The following CYLD variants were observed in gnomAD, a reference collection of about 807,000 sequenced individuals.
CYLD encodes CYLD lysine 63 deubiquitinase, also known as ubiquitin carboxyl-terminal hydrolase CYLD.
In CYLD, 26 loss-of-function variants were observed where a neutral mutation model predicts 104.5. The observed-to-expected ratio is 0.25, with a 90% CI of 0.18 to 0.35. CYLD has a LOEUF of 0.35. CYLD is among the 10% of genes least tolerant of loss of function. The pLI, the probability that CYLD is intolerant of heterozygous loss-of-function variation, is 1.00. For missense variants in CYLD, 703 were observed against 1,136.1 expected, an observed-to-expected ratio of 0.62 and a Z score of 5.48; for synonymous variants, 385 against 399.9, an observed-to-expected ratio of 0.96 and a Z score of 0.45.
chr16:50,744,336 G>T (rs1047228256), intron 2 of CYLD, among the ~76,000 whole-genome samples: 9 of 152,052 alleles, frequency 5.9e-5, no homozygotes, highest in Non-Finnish European at 1.2e-4. Context: ...TAGCTGTTTA[G>T]AAATATAACA....
intron 5 of CYLD, among the ~76,000 whole-genome samples, chr16:50,760,823 G>A (rs1474591877): frequency 6.6e-6 from 1 of 152,126 alleles, no homozygotes; most frequent in Non-Finnish European, 1.5e-5. Context: ...AAGTGGAGTT[G>A]CTTGATGAAA....
rs554549525 is a variant in CYLD at position 50,770,705 on chromosome 16, C to T, written c.914-4461C>T. ...ACCTCAAGTGATCCACCTGCCTCGG[C>T]TTCCCAAAGTGCTGGGATTACAGGC... On this transcript the variant is annotated intron_variant, in intron 5 of 18. Coordinates refer to ENST00000427738, the MANE Select transcript of CYLD (RefSeq NM_001378743.1). Among the ~76,000 whole-genome samples, 57 of 152,240 alleles carry T rather than the reference C, an allele frequency of 3.7e-4. 1 individual carries two copies. The highest frequency in any genetic ancestry group is 1.4e-3 in the African/African-American group (57 of 41,564).
Position 50,754,750 on chromosome 16 carries a change from A to G in CYLD, c.913+326A>G, listed in dbSNP as rs541806112. ...GTGTTTGGCTTTCCATTCCTGAGTT[A>G]TTATACTTCTCTTAGAATAATAGCC... is the stretch of plus-strand genomic sequence containing the variant. On this transcript the variant is annotated intron_variant, in intron 5 of 18. Coordinates refer to ENST00000427738, the MANE Select transcript of CYLD (RefSeq NM_001378743.1). 1.6e-4 allele frequency among the ~76,000 whole-genome samples: 25 copies of G among 151,544 alleles called. No individual in the cohort carries two copies. In the South Asian group the frequency reaches 4.6e-3, roughly 28 times the overall value.
At chr16:50,751,488 A>G (rs1053844205) in intron 3 of CYLD, 116 bp from the exon 4 acceptor site, 3 of 770,770 alleles carry the variant, frequency 3.9e-6, no homozygotes, top group Admixed American at 2.4e-5. Flanking sequence ...ATTTCTTATT[A>G]TATGTATCAT....
intron 1 of CYLD, chr16:50,742,420 T>G: frequency 5.4e-6 from 1 of 184,490 alleles, no homozygotes. Flanking sequence ...CCACCGGGGC[T>G]TCCCCATCCC....
At chr16:50,756,507 C>T (rs779071506) in intron 5 of CYLD, among the ~76,000 whole-genome samples, 6 of 152,142 alleles carry the variant, frequency 3.9e-5, no homozygotes, top group Admixed American at 2.6e-4. Context: ...TTTATTTTGC[C>T]TCTAACAAGT....
intron 5 of CYLD, among the ~76,000 whole-genome samples, chr16:50,774,044 C>T (rs1567441760): frequency 6.6e-6 from 1 of 152,200 alleles, no homozygotes; most frequent in Non-Finnish European, 1.5e-5. Flanking sequence ...TGCCAGGCTA[C>T]CTTCAAAGCC....
intron 7 of CYLD, 100 bp from the exon 8 acceptor site, chr16:50,777,725 C>T (rs1969828568): frequency 2.8e-6 from 2 of 719,894 alleles, no homozygotes; most frequent in Non-Finnish European, 5.1e-6. Context: ...GTTATGTAAA[C>T]AGTTATTAAC....
chr16:50,758,698 C>G (rs1280242697), intron 5 of CYLD, among the ~76,000 whole-genome samples: 3 of 152,002 alleles, frequency 2.0e-5, no homozygotes, highest in African/African-American at 7.3e-5. Context: ...AGAGAGAGAA[C>G]AGAATCAAGG....
intron 5 of CYLD, among the ~76,000 whole-genome samples, chr16:50,757,715 T>G (rs917221910): frequency 2.6e-5 from 4 of 152,178 alleles, no homozygotes; most frequent in Admixed American, 6.5e-5. Context: ...GTTTTGTATC[T>G]TTAGTAGAGA....
Position 50,750,177 on chromosome 16 carries a change from G to A in CYLD, c.479G>A (p.Gly160Glu). 1 of 1,613,898 alleles carries A rather than the reference G, an allele frequency of 6.2e-7. No individual in the cohort carries two copies. The highest frequency in any genetic ancestry group is 8.5e-7 in the Non-Finnish European group (1 of 1,179,958). ...GPLLAERTVS[G>E]IFFGVELLEE... ...CTGTTAGCAGAGAGGACAGTCTCCG[G>A]AATATTCTTTGGAGTTGAATTGCTG... The change falls in exon 3 of 19, where the codon GGA (glycine) becomes GAA (glutamate). Residue 160 changes from glycine to glutamate, a missense_variant. By Grantham distance (98) the Gly-to-Glu change is moderately conservative. Transcript: ENST00000427738.
At chr16:50,747,388 C>T (rs527316815) in intron 2 of CYLD, among the ~76,000 whole-genome samples, 12 of 152,310 alleles carry the variant, frequency 7.9e-5, no homozygotes, top group African/African-American at 2.6e-4. Flanking sequence ...AAACTCTAGA[C>T]AGTAGATCTG....
intron 5 of CYLD, among the ~76,000 whole-genome samples, chr16:50,755,156 TAC>T (rs1323906772): frequency 1.5e-5 from 2 of 136,908 alleles, no homozygotes; most frequent in Non-Finnish European, 3.1e-5. Context: ...TGTGTGTATA[TAC>T]ACACGTGTAC....
chr16:50,794,500 C>A lies in CYLD; in HGVS notation c.2686+72C>A. ...GTAGTGGGACAGTTTGTAGTGGGAT[C>A]GCCTGTTCTGAGTGATATTTTCTGA... is the stretch of plus-strand genomic sequence containing the variant. On this transcript the variant is annotated intron_variant, in intron 18 of 18. Coordinates refer to ENST00000427738, the MANE Select transcript of CYLD (RefSeq NM_001378743.1). The surrounding 1 kb of genome is among the most constrained non-coding windows in gnomAD (Gnocchi z 4.1). 2.2e-6 allele frequency: 3 copies of A among 1,364,170 alleles called. No homozygotes were observed. The highest frequency in any genetic ancestry group is 2.1e-6 in the Non-Finnish European group (2 of 954,904). The allele number at this position is 1,364,170 out of a possible 1,614,324, so 84.5% of individuals were successfully genotyped here.
chr16:50,795,690 G>A, intron 18 of CYLD: 1 of 694,968 alleles, frequency 1.4e-6, no homozygotes, highest in African/African-American at 1.8e-5. Flanking sequence ...GATGCTTGAG[G>A]GATACATCCC....
Position 50,794,417 on chromosome 16 carries a change from C to G in CYLD, c.2675C>G (p.Ala892Gly). ...DSAWLFFDSMADRDGGQNGFN... is the reference protein window; with the variant it reads ...DSAWLFFDSMGDRDGGQNGFN... ...GCCTGGCTCTTCTTTGACAGCATGGCCGATCGGGATGGTACTGAAAACGCC... is the reference window on the plus strand; with the variant it reads ...GCCTGGCTCTTCTTTGACAGCATGGGCGATCGGGATGGTACTGAAAACGCC... Residue 892 changes from alanine to glycine, a missense_variant, in exon 18 of 19, where the codon GCC (alanine) becomes GGC (glycine). Transcript: ENST00000427738. This position sits in a 1 kb window ranked among gnomAD's most constrained non-coding sequence, Gnocchi z 4.1. 1.2e-6 allele frequency: 2 copies of G among 1,614,102 alleles called. No homozygotes were observed. Among genetic ancestry groups the G allele is most frequent in the Non-Finnish European group, 1.7e-6 (2 of 1,180,014 alleles).
At chr16:50,773,522 CT>C (rs1236748754) in intron 5 of CYLD, among the ~76,000 whole-genome samples, 1 of 152,136 alleles carries the variant, frequency 6.6e-6, no homozygotes, top group Non-Finnish European at 1.5e-5. Flanking sequence ...TTGTTTCCAG[CT>C]TTTGATTAGA....
At position 50,787,836 on chromosome 16, in the gene CYLD, C is replaced by A. The variant is rs964054055; in HGVS notation, c.2092C>A (p.Pro698Thr). ...ILFHHILRVE[P>T]LLKIRSAGQK... Reference sequence around the variant, plus strand: ...GTTTCATCATATTTTAAGGGTAGAACCTTTGCTAAAAATAAGGTAACCTTT... The same window carrying A: ...GTTTCATCATATTTTAAGGGTAGAAACTTTGCTAAAAATAAGGTAACCTTT... Residue 698 changes from proline to threonine, a missense_variant, in exon 14 of 19, where the codon CCT becomes ACT. Physicochemically the swap from Pro to Thr is conservative, Grantham distance 38. This residue lies in a region of CYLD where 125 missense variants were observed against 325.4 expected (regional missense o/e 0.38). Coordinates refer to ENST00000427738, the MANE Select transcript of CYLD (RefSeq NM_001378743.1). 6 of 1,534,292 alleles carry A rather than the reference C, an allele frequency of 3.9e-6. No homozygotes were observed. The highest frequency in any genetic ancestry group is 2.3e-5 in the East Asian group (1 of 44,196).
chr16:50,789,027 TAG>T (rs1355165870), intron 14 of CYLD, among the ~76,000 whole-genome samples: 6 of 152,214 alleles, frequency 3.9e-5, no homozygotes, highest in Non-Finnish European at 7.3e-5. Flanking sequence ...AAAGTGGATT[TAG>T]AGTTCTCTAC....
Sources: allele counts gnomAD v4.1 joint callset (sites outside exome capture counted in the v4.1 genomes callset), GRCh38; gene constraint gnomAD v4.1.1; regional missense constraint gnomAD v4.1.1; non-coding constraint Gnocchi (gnomAD v3.1); transcripts MANE v1.5; gene names NCBI Gene and HGNC (gene_info 2026-07-23, HGNC 2026-07-21).